Variants in PPP2R5E observed in about 807,000 individuals in gnomAD.
PPP2R5E encodes protein phosphatase 2 regulatory subunit B'epsilon.
A neutral mutation model predicts 65.3 loss-of-function variants in PPP2R5E; 4 were observed. The ratio of observed to expected loss-of-function variants is 0.06; its 90% confidence interval spans 0.03 to 0.14. The LOEUF (loss-of-function observed/expected upper bound fraction) is 0.14. PPP2R5E is among the 10% of genes least tolerant of loss of function. PPP2R5E has a pLI of 1.00. For missense variants in PPP2R5E, 274 were observed against 556.1 expected (o/e 0.49, Z 5.10); for synonymous variants, 183 against 187.4 (o/e 0.98, Z 0.19).
chr14:63,384,401 A>C (rs1377276219), intron 12 of PPP2R5E, 43 bp downstream of exon 12: 1 of 1,581,588 alleles, frequency 6.3e-7, no homozygotes, highest in Non-Finnish European at 8.7e-7. Context: ...AAAGAAAGAG[A>C]GGAAGGGAGG....
intron 2 of PPP2R5E, among the ~76,000 whole-genome samples, chr14:63,511,873 G>C (rs1892466520): frequency 6.6e-6 from 1 of 151,964 alleles, no homozygotes; most frequent in Admixed American, 6.6e-5. Context: ...GAGGTTAGGA[G>C]TTTGAGACCA....
At position 63,517,086 on chromosome 14, in the gene PPP2R5E, CAG is replaced by C. The variant is rs1892697927; in HGVS notation, c.157+22441_157+22442del. Among the ~76,000 whole-genome samples the C allele has an allele frequency of 2.0e-5, 3 of 152,076 alleles. No individual in the cohort carries two copies. In the South Asian group the frequency reaches 6.2e-4, roughly 31 times the overall value. ...CAAAAAATATGTATTATTTAAGAGGCAGAGAACTGGTCAACTATCCTTGCATC... is the reference window on the plus strand; with the variant it reads ...CAAAAAATATGTATTATTTAAGAGGCAGAACTGGTCAACTATCCTTGCATC... On this transcript the variant is annotated intron_variant, in intron 2 of 13. Transcript: ENST00000337537.
intron 4 of PPP2R5E, 95 bp downstream of exon 4, chr14:63,421,898 T>C: frequency 1.1e-6 from 1 of 922,210 alleles, no homozygotes. Flanking sequence ...TCTAATTTGA[T>C]TTCTTGGTGA....
chr14:63,528,754 AT>A (rs1296467575), intron 2 of PPP2R5E, among the ~76,000 whole-genome samples: 1 of 152,234 alleles, frequency 6.6e-6, no homozygotes, highest in African/African-American at 2.4e-5. Context: ...TGAAGGAAAA[AT>A]AAATGCCTTT....
At chr14:63,497,776 AC>A (rs1891650706) in intron 2 of PPP2R5E, among the ~76,000 whole-genome samples, 1 of 151,826 alleles carries the variant, frequency 6.6e-6, no homozygotes, top group South Asian at 2.1e-4. Flanking sequence ...ACAAAAAAAA[AC>A]AAACACAAAA....
At position 63,387,819 on chromosome 14, in the gene PPP2R5E, T is replaced by C. The variant is rs150006191; in HGVS notation, c.1074+1793A>G. ...TAAGGGTGGGGTCCTAACCAGATAA[T>C]ACAGGGGCCTTATAAGAAGAGGAAG... is the stretch of plus-strand genomic sequence containing the variant. On this transcript the variant is annotated intron_variant, in intron 11 of 13. Coordinates refer to ENST00000337537, the MANE Select transcript of PPP2R5E (RefSeq NM_006246.5). 2.8e-3 allele frequency among the ~76,000 whole-genome samples: 433 copies of C among 152,254 alleles called. 3 individuals are homozygous for C. Among genetic ancestry groups the C allele is most frequent in the Non-Finnish European group, 3.7e-3 (252 of 68,020 alleles).
chr14:63,533,302 C>A (rs1418447587), intron 2 of PPP2R5E, among the ~76,000 whole-genome samples: 5 of 152,200 alleles, frequency 3.3e-5, no homozygotes. Flanking sequence ...TGGCTCACGC[C>A]TGTAATCCCA....
At chr14:63,415,698 C>T (rs1271572689) in intron 4 of PPP2R5E, among the ~76,000 whole-genome samples, 2 of 152,118 alleles carry the variant, frequency 1.3e-5, no homozygotes, top group Non-Finnish European at 2.9e-5. Context: ...AATAATATCT[C>T]AACTATCATT....
chr14:63,400,968 T>A (rs1232452734), intron 5 of PPP2R5E, among the ~76,000 whole-genome samples: 3 of 152,224 alleles, frequency 2.0e-5, no homozygotes, highest in Non-Finnish European at 4.4e-5. Flanking sequence ...ACCTTCCTTG[T>A]ATACTGTTAA....
chr14:63,527,852 T>C (rs188313860), intron 2 of PPP2R5E, among the ~76,000 whole-genome samples: 1 of 152,072 alleles, frequency 6.6e-6, no homozygotes, highest in East Asian at 1.9e-4. Flanking sequence ...GAAGAATTGC[T>C]TGAACCCGGG....
At chr14:63,384,910 G>A (rs1884575078) in intron 11 of PPP2R5E, among the ~76,000 whole-genome samples, 1 of 152,046 alleles carries the variant, frequency 6.6e-6, no homozygotes, top group South Asian at 2.1e-4. Context: ...TGGCCAGGAT[G>A]GTCTCGATCT....
Position 63,542,906 on chromosome 14 carries a change from G to T in PPP2R5E, c.-135C>A. ...CAGGGGGAGGTCCGGGCAGCTGCGG[G>T]GAGCCTGGGGCGACGGCTGTCCGGT... On this transcript the variant is annotated 5_prime_UTR_variant, in exon 1 of 14. Coordinates refer to ENST00000337537, the MANE Select transcript of PPP2R5E (RefSeq NM_006246.5). The T allele has an allele frequency of 6.5e-6, 1 of 153,228 alleles. No homozygotes were observed. The highest frequency in any genetic ancestry group is 1.9e-4 in the South Asian group (1 of 5,178). The allele number at this position is 153,228 out of a possible 1,614,324, so 9.5% of individuals were successfully genotyped here.
chr14:63,436,344 T>C (rs530985499), intron 3 of PPP2R5E, among the ~76,000 whole-genome samples: 1 of 152,308 alleles, frequency 6.6e-6, no homozygotes, highest in Admixed American at 6.5e-5. Flanking sequence ...CATTTGAGGC[T>C]CCTGATGTGT....
At chr14:63,518,993 C>T (rs771518624) in intron 2 of PPP2R5E, among the ~76,000 whole-genome samples, 108 of 152,152 alleles carry the variant, frequency 7.1e-4, no homozygotes, top group Non-Finnish European at 1.1e-3. Flanking sequence ...CCAAGACAGG[C>T]AGATCATCTG....
At chr14:63,516,593 G>A (rs1025304150) in intron 2 of PPP2R5E, among the ~76,000 whole-genome samples, 4 of 152,172 alleles carry the variant, frequency 2.6e-5, no homozygotes, top group Admixed American at 6.5e-5. Flanking sequence ...GGTTAATAGC[G>A]ATTTCCTATC....
chr14:63,491,678 T>C (rs543068966), intron 2 of PPP2R5E, among the ~76,000 whole-genome samples: 35 of 152,150 alleles, frequency 2.3e-4, no homozygotes, highest in African/African-American at 8.2e-4. Flanking sequence ...GAAAACCCCG[T>C]CTCTGCTAAA....
chr14:63,527,942 C>T (rs1227219442), intron 2 of PPP2R5E, among the ~76,000 whole-genome samples: 1 of 149,726 alleles, frequency 6.7e-6, no homozygotes, highest in African/African-American at 2.5e-5. Context: ...AAAAAAAAGT[C>T]AAATGGCTTC....
intron 2 of PPP2R5E, among the ~76,000 whole-genome samples, chr14:63,455,698 A>G (rs1889083222): frequency 6.6e-6 from 1 of 152,240 alleles, no homozygotes; most frequent in African/African-American, 2.4e-5. Context: ...GAGCATGACT[A>G]TATCCTTAAC....
chr14:63,483,243 G>GA (rs1296090584), intron 2 of PPP2R5E, among the ~76,000 whole-genome samples: 11 of 152,154 alleles, frequency 7.2e-5, no homozygotes, highest in East Asian at 1.9e-4. Context: ...GGAACATGGG[G>GA]AGGGGGGGTC....
Sources: allele counts gnomAD v4.1 joint callset (sites outside exome capture counted in the v4.1 genomes callset), GRCh38; gene constraint gnomAD v4.1.1; transcripts MANE v1.5; gene names NCBI Gene and HGNC (gene_info 2026-07-23, HGNC 2026-07-21).